ADCY8: variants seen among roughly 807,000 people sequenced by gnomAD.
The protein encoded by ADCY8 is adenylate cyclase 8.
In ADCY8, 51 loss-of-function variants were observed where a neutral mutation model predicts 119.7. The observed-to-expected ratio is 0.43, with a 90% confidence interval of 0.34 to 0.54. The LOEUF is 0.54. Ranked by LOEUF, ADCY8 falls within the 20% of genes least tolerant of loss-of-function variation. ADCY8 has a pLI of 0.03. For missense variants in ADCY8, 1,383 were observed against 1,598.8 expected, an observed-to-expected ratio of 0.87 and a Z score of 2.30; for synonymous variants, 665 against 651.0, an observed-to-expected ratio of 1.02 and a Z score of -0.33.
chr8:130,870,018 C>CTTTT (rs563831552), intron 8 of ADCY8, among the ~76,000 whole-genome samples: 5 of 115,886 alleles, frequency 4.3e-5, no homozygotes, highest in Middle Eastern at 4.6e-3. Context: ...CTTTCTTCTT[C>CTTTT]TTTTTTTTTT....
rs200439044 is a variant in ADCY8 at position 131,015,101 on chromosome 8, T to C, written c.960+24273A>G. Reference sequence around the variant, plus strand: ...TAAGATAAGTCTTCAAACTATATTTTTGGAAAATTGATTGATAAAGAGCAG... The same window carrying C: ...TAAGATAAGTCTTCAAACTATATTTCTGGAAAATTGATTGATAAAGAGCAG... On this transcript the variant is annotated intron_variant, in intron 1 of 17. Transcript: ENST00000286355. 1.8e-4 allele frequency among the ~76,000 whole-genome samples: 28 copies of C among 152,272 alleles called. 1 individual carries two copies. Among genetic ancestry groups the C allele is most frequent in the Admixed American group, 1.5e-3 (23 of 15,300 alleles).
At chr8:130,980,744 T>G (rs146600998) in intron 2 of ADCY8, among the ~76,000 whole-genome samples, 86 of 152,372 alleles carry the variant, frequency 5.6e-4, no homozygotes, top group African/African-American at 1.9e-3. Flanking sequence ...TTTGACGGCA[T>G]AGTTCTCAGC....
In ADCY8 at chr8:130,791,397, C is replaced by T. The variant is rs557403102; in HGVS notation, c.3061-5922G>A. Among the ~76,000 whole-genome samples the T allele has an allele frequency of 1.7e-3, 266 of 152,256 alleles. 6 individuals carry two copies. The highest frequency in any genetic ancestry group is 5.8e-4 in the East Asian group (3 of 5,170). On this transcript the variant is annotated intron_variant, in intron 15 of 17. Transcript: ENST00000286355. ...GCACACAGGGGCAGGTGCCGGTAAGCGGAGTGGGCTGGAGAAGTGCCTGGA... is the reference window on the plus strand; with the variant it reads ...GCACACAGGGGCAGGTGCCGGTAAGTGGAGTGGGCTGGAGAAGTGCCTGGA...
chr8:130,965,032 C>T (rs960085774), intron 2 of ADCY8, among the ~76,000 whole-genome samples: 2 of 151,996 alleles, frequency 1.3e-5, no homozygotes, highest in African/African-American at 4.8e-5. Flanking sequence ...TTGGTTTATG[C>T]TTGTGGGTTT....
intron 1 of ADCY8, among the ~76,000 whole-genome samples, chr8:131,001,927 AC>A (rs1256088435): frequency 8.5e-5 from 13 of 152,322 alleles, no homozygotes; most frequent in African/African-American, 3.1e-4. Context: ...TAGGGATCAG[AC>A]AGAGTGGCCT....
chr8:130,806,296 G>A (rs1413489703), intron 14 of ADCY8, among the ~76,000 whole-genome samples: 4 of 152,188 alleles, frequency 2.6e-5, no homozygotes. Flanking sequence ...TACTCACGCT[G>A]GTTCCAGTAA....
At chr8:130,940,095 T>C (rs1468821839) in intron 4 of ADCY8, among the ~76,000 whole-genome samples, 1 of 152,226 alleles carries the variant, frequency 6.6e-6, no homozygotes, top group East Asian at 1.9e-4. Flanking sequence ...CCAGGCAATG[T>C]ACTAAATGCA....
intron 1 of ADCY8, among the ~76,000 whole-genome samples, chr8:131,022,259 G>T (rs1018889171): frequency 1.3e-5 from 2 of 152,118 alleles, no homozygotes; most frequent in African/African-American, 4.8e-5. Flanking sequence ...TTCTTCTAAA[G>T]CTATCCCTCC....
chr8:130,864,368 A>G (rs772671432), intron 9 of ADCY8, among the ~76,000 whole-genome samples: 4 of 151,838 alleles, frequency 2.6e-5, no homozygotes, highest in Non-Finnish European at 5.9e-5. Context: ...TGTTTCTGTG[A>G]TTCTGTGGTT....
chr8:131,040,119 G>T lies in ADCY8; in HGVS notation c.215C>A (p.Ala72Glu), dbSNP rs1040715439. Residue 72 changes from alanine (A) to glutamate (E), a missense_variant, in exon 1 of 18, where the codon GCG (alanine) becomes GAG (glutamate). Transcript: ENST00000286355. ...SGGSGKASDP[A>E]GGGPNHHAPQ... ...CGCGTGGTGGTTGGGGCCGCCGCCCGCAGGGTCCGAGGCTTTGCCCGAGCC... is the reference window on the plus strand; with the variant it reads ...CGCGTGGTGGTTGGGGCCGCCGCCCTCAGGGTCCGAGGCTTTGCCCGAGCC... The T allele has an allele frequency of 1.4e-4, 209 of 1,526,266 alleles. No individual in the cohort carries two copies. The highest frequency in any genetic ancestry group is 1.8e-4 in the Non-Finnish European group (208 of 1,143,154). The allele number at this position is 1,526,266 out of a possible 1,614,324, so 94.5% of individuals were successfully genotyped here.
At chr8:130,859,069 A>C (rs1307432210) in intron 9 of ADCY8, among the ~76,000 whole-genome samples, 1 of 152,144 alleles carries the variant, frequency 6.6e-6, no homozygotes, top group East Asian at 1.9e-4. Flanking sequence ...TTTATTGGAT[A>C]TCGGCATTAG....
chr8:130,787,122 G>A (rs1815272066), intron 15 of ADCY8, among the ~76,000 whole-genome samples: 1 of 152,158 alleles, frequency 6.6e-6, no homozygotes, highest in South Asian at 2.1e-4. Context: ...ACACACAGAT[G>A]ATATTGAAGA....
intron 12 of ADCY8, among the ~76,000 whole-genome samples, chr8:130,825,229 T>C (rs1017655409): frequency 1.1e-4 from 16 of 152,196 alleles, no homozygotes; most frequent in African/African-American, 3.9e-4. Context: ...TTTAAAAACA[T>C]ACAGTAAATT....
intron 15 of ADCY8, 47 bp downstream of exon 15, chr8:130,800,379 A>G (rs1815735025): frequency 1.2e-6 from 2 of 1,607,688 alleles, no homozygotes; most frequent in South Asian, 1.1e-5. Context: ...CAACGCTTTG[A>G]CAACGATGCC....
intron 13 of ADCY8, among the ~76,000 whole-genome samples, chr8:130,820,472 AG>A (rs1456741103): frequency 6.6e-6 from 1 of 152,188 alleles, no homozygotes; most frequent in Non-Finnish European, 1.5e-5. Context: ...GATTTCTACC[AG>A]GGGGTGAGAA....
intron 9 of ADCY8, among the ~76,000 whole-genome samples, chr8:130,851,430 C>A (rs1490891236): frequency 6.6e-6 from 1 of 151,934 alleles, no homozygotes; most frequent in Non-Finnish European, 1.5e-5. Flanking sequence ...GGAGCATGAG[C>A]AAAACATCAG....
At chr8:130,869,977 C>CTTCTTCT (rs1343437958) in intron 8 of ADCY8, among the ~76,000 whole-genome samples, 1,369 of 125,268 alleles carry the variant, frequency 0.011, 29 homozygotes, top group African/African-American at 0.036. Context: ...TTCCTTCTTC[C>CTTCTTCT]TCCTCCTCCT....
At chr8:130,811,509 CT>C (rs1816165551) in intron 14 of ADCY8, among the ~76,000 whole-genome samples, 1 of 152,190 alleles carries the variant, frequency 6.6e-6, no homozygotes, top group African/African-American at 2.4e-5. Context: ...AATTCTTGTC[CT>C]AAGGGTTTTT....
At chr8:130,894,748 C>T (rs1819325123) in intron 7 of ADCY8, among the ~76,000 whole-genome samples, 2 of 152,086 alleles carry the variant, frequency 1.3e-5, no homozygotes, top group African/African-American at 4.8e-5. Flanking sequence ...ACAAAAATAT[C>T]CGTTATCTTT....
Sources: allele counts gnomAD v4.1 joint callset (sites outside exome capture counted in the v4.1 genomes callset), GRCh38; gene constraint gnomAD v4.1.1; transcripts MANE v1.5; gene names NCBI Gene and HGNC (gene_info 2026-07-23, HGNC 2026-07-21).